The following MAML2 variants were observed in gnomAD, a reference collection of about 807,000 sequenced individuals.
The protein encoded by MAML2 is mastermind-like protein 2.
In MAML2, 22 loss-of-function variants were observed where a neutral mutation model predicts 96.1. The ratio of observed to expected loss-of-function variants is 0.23; its 90% CI spans 0.16 to 0.33. MAML2 has a LOEUF of 0.33. Among genes scored for constraint, MAML2 ranks in the 10% least tolerant of loss-of-function variants. The probability of loss-of-function intolerance (pLI) is 1.00; values close to 1 mark genes in which losing one functional copy is unlikely to be tolerated. For missense variants in MAML2, 1,367 were observed against 1,392.4 expected (o/e 0.98, Z 0.29); for synonymous variants, 561 against 521.3 (o/e 1.08, Z -1.04).
intron 1 of MAML2, among the ~76,000 whole-genome samples, chr11:96,221,442 C>T (rs1862135476): frequency 3.3e-5 from 5 of 152,152 alleles, no homozygotes. Context: ...TTTGTATCCC[C>T]TGTCATTTTG....
At chr11:96,200,128 G>C (rs970601665) in intron 1 of MAML2, among the ~76,000 whole-genome samples, 8 of 152,210 alleles carry the variant, frequency 5.3e-5, no homozygotes, top group African/African-American at 1.9e-4. Flanking sequence ...ATCACCTTTG[G>C]AACACAGTAA....
chr11:96,062,495 T>TA (rs1446222857), intron 2 of MAML2, among the ~76,000 whole-genome samples: 1 of 152,190 alleles, frequency 6.6e-6, no homozygotes. Flanking sequence ...GATTTACAAT[T>TA]TACAGAATGT....
chr11:96,038,343 G>T (rs1858752266), intron 2 of MAML2, among the ~76,000 whole-genome samples: 1 of 152,138 alleles, frequency 6.6e-6, no homozygotes, highest in African/African-American at 2.4e-5. Context: ...AACCATTTTG[G>T]TGTATGTGGT....
intron 1 of MAML2, among the ~76,000 whole-genome samples, chr11:96,118,809 G>A (rs972838664): frequency 2.0e-5 from 3 of 152,024 alleles, no homozygotes; most frequent in Non-Finnish European, 4.4e-5. Context: ...GAGTATGTCC[G>A]ATGAACAGCC....
rs181096130 is a variant in MAML2 at position 96,223,789 on chromosome 11, C to T, written c.513+117594G>A. 2.1e-3 allele frequency among the ~76,000 whole-genome samples: 322 copies of T among 152,188 alleles called. 1 individual carries two copies. Among genetic ancestry groups the T allele is most frequent in the African/African-American group, 7.4e-3 (308 of 41,518 alleles). On this transcript the variant is annotated intron_variant, in intron 1 of 4. Transcript: ENST00000524717. ...GTAGTACTGTTCTTCTGAACTACTG[C>T]CTTAAGATGATTAGTTTAGGTACAA... is the stretch of plus-strand genomic sequence containing the variant.
At chr11:96,141,838 G>C (rs1324665046) in intron 1 of MAML2, among the ~76,000 whole-genome samples, 1 of 152,220 alleles carries the variant, frequency 6.6e-6, no homozygotes, top group South Asian at 2.1e-4. Context: ...GGCACTGGCA[G>C]CAGAGCTGGC....
At chr11:96,312,829 G>C (rs1417317876) in intron 1 of MAML2, among the ~76,000 whole-genome samples, 1 of 152,138 alleles carries the variant, frequency 6.6e-6, no homozygotes, top group African/African-American at 2.4e-5. Flanking sequence ...TTTCTTATCA[G>C]GAACTAATTT....
intron 2 of MAML2, among the ~76,000 whole-genome samples, chr11:96,044,914 G>T (rs191402365): frequency 6.6e-6 from 1 of 152,304 alleles, no homozygotes; most frequent in Admixed American, 6.5e-5. Flanking sequence ...TCGTGAATCA[G>T]GATATGCCTG....
chr11:96,083,716 A>C lies in MAML2; in HGVS notation c.2139+8176T>G, dbSNP rs562001934. On this transcript the variant is annotated intron_variant, in intron 2 of 4. Transcript: ENST00000524717. Reference sequence around the variant, plus strand: ...TAATTTATTTGTCCACATGTTCAACAACTAAGTTTTGGGTCCCTGCAACAT... The same window carrying C: ...TAATTTATTTGTCCACATGTTCAACCACTAAGTTTTGGGTCCCTGCAACAT... 1.4e-4 allele frequency among the ~76,000 whole-genome samples: 21 copies of C among 152,320 alleles called. No individual in the cohort carries two copies. In the South Asian group the frequency reaches 3.5e-3, roughly 26 times the overall value.
In MAML2 at chr11:96,273,718, G is replaced by A. The variant is rs116491083; in HGVS notation, c.513+67665C>T. Reference sequence around the variant, plus strand: ...CTCAGTTTTCTCATCTGCAAAATGGGGGTGATACTCCCTAAATTATTGAGA... The same window carrying A: ...CTCAGTTTTCTCATCTGCAAAATGGAGGTGATACTCCCTAAATTATTGAGA... On this transcript the variant is annotated intron_variant, in intron 1 of 4. Coordinates refer to ENST00000524717, the MANE Select transcript of MAML2 (RefSeq NM_032427.4). Among the ~76,000 whole-genome samples, 1,068 of 152,164 alleles carry A rather than the reference G, an allele frequency of 7.0e-3. 13 individuals carry two copies. Among genetic ancestry groups the A allele is most frequent in the African/African-American group, 0.024 (990 of 41,514 alleles).
chr11:96,062,875 C>T (rs547934551), intron 2 of MAML2, among the ~76,000 whole-genome samples: 5 of 152,126 alleles, frequency 3.3e-5, no homozygotes, highest in Non-Finnish European at 5.9e-5. Context: ...TATATTGTTT[C>T]GATGACAAGG....
At chr11:96,286,445 C>T (rs1863141748) in intron 1 of MAML2, among the ~76,000 whole-genome samples, 1 of 152,142 alleles carries the variant, frequency 6.6e-6, no homozygotes, top group Non-Finnish European at 1.5e-5. Context: ...ATGTAACAAA[C>T]TTGCACATTC....
At chr11:96,057,981 C>T (rs1333631980) in intron 2 of MAML2, among the ~76,000 whole-genome samples, 1 of 152,210 alleles carries the variant, frequency 6.6e-6, no homozygotes, top group African/African-American at 2.4e-5. Flanking sequence ...GCAGTCCTTT[C>T]ATGAACTCTT....
chr11:96,264,628 C>T (rs768536419), intron 1 of MAML2, among the ~76,000 whole-genome samples: 3 of 152,188 alleles, frequency 2.0e-5, no homozygotes, highest in Non-Finnish European at 2.9e-5. Flanking sequence ...AATGTCTCCT[C>T]ATCCACTCTA....
chr11:96,057,011 A>G (rs978873346), intron 2 of MAML2, among the ~76,000 whole-genome samples: 1 of 152,190 alleles, frequency 6.6e-6, no homozygotes, highest in African/African-American at 2.4e-5. Context: ...TCAATGATCT[A>G]GTTTCACCTT....
intron 1 of MAML2, among the ~76,000 whole-genome samples, chr11:96,209,005 A>T (rs1003858523): frequency 6.6e-6 from 1 of 152,148 alleles, no homozygotes; most frequent in Non-Finnish European, 1.5e-5. Flanking sequence ...CTGCATCAGA[A>T]TCATCAAAGT....
intron 2 of MAML2, among the ~76,000 whole-genome samples, chr11:96,010,955 T>G (rs1373924788): frequency 6.6e-6 from 1 of 151,360 alleles, no homozygotes; most frequent in Non-Finnish European, 1.5e-5. Context: ...AAAAATACTG[T>G]TTTTTTCCTC....
chr11:96,164,747 C>A (rs1397252765), intron 1 of MAML2, among the ~76,000 whole-genome samples: 1 of 152,126 alleles, frequency 6.6e-6, no homozygotes, highest in Non-Finnish European at 1.5e-5. Context: ...GACCATGTAC[C>A]CTTTGATGTA....
intron 1 of MAML2, among the ~76,000 whole-genome samples, chr11:96,167,495 C>T (rs1332972194): frequency 6.6e-6 from 1 of 152,202 alleles, no homozygotes; most frequent in South Asian, 2.1e-4. Context: ...TTCTTTCGCA[C>T]AGAGCAGAAG....
Sources: gnomAD v4.1 joint callset for allele counts (sites outside exome capture counted in the v4.1 genomes callset) on GRCh38, gnomAD v4.1.1 for gene constraint, MANE v1.5 for transcripts, NCBI Gene and HGNC (gene_info 2026-07-23, HGNC 2026-07-21) for gene names.